The following BNC2 variants were observed in gnomAD, a reference collection of about 807,000 sequenced individuals.
BNC2 encodes the protein basonuclin zinc finger protein 2.
BNC2 carries 20 observed loss-of-function variants against 76.3 expected under a neutral mutation model. The ratio of observed to expected loss-of-function variants is 0.26; its 90% CI spans 0.18 to 0.38. BNC2 has a LOEUF of 0.38. Ranked by LOEUF, BNC2 falls within the 10% of genes least tolerant of loss-of-function variation. The probability of loss-of-function intolerance (pLI) is 1.00; values close to 1 mark genes in which losing one functional copy is unlikely to be tolerated. For missense variants in BNC2, 1,382 were observed against 1,399.8 expected (o/e 0.99, Z 0.20); for synonymous variants, 582 against 514.8 (o/e 1.13, Z -1.77).
At chr9:16,802,184 G>A (rs1016985539) in intron 1 of BNC2, among the ~76,000 whole-genome samples, 4 of 152,202 alleles carry the variant, frequency 2.6e-5, no homozygotes, top group African/African-American at 9.6e-5. Flanking sequence ...AAATATATTA[G>A]CTGCGACTTC....
chr9:16,544,578 G>A (rs918699281), intron 5 of BNC2, among the ~76,000 whole-genome samples: 2 of 152,070 alleles, frequency 1.3e-5, no homozygotes, highest in African/African-American at 4.8e-5. Context: ...AGCATTTTGG[G>A]AGGCCGAGGT....
At chr9:16,584,152 C>T (rs1819704510) in intron 3 of BNC2, among the ~76,000 whole-genome samples, 3 of 152,080 alleles carry the variant, frequency 2.0e-5, no homozygotes, top group African/African-American at 7.2e-5. Flanking sequence ...GAAAAGATCT[C>T]TCTGCAGATT....
chr9:16,612,708 G>C (rs997193274), intron 3 of BNC2, among the ~76,000 whole-genome samples: 1 of 152,200 alleles, frequency 6.6e-6, no homozygotes, highest in Non-Finnish European at 1.5e-5. Flanking sequence ...AGTGGAATGT[G>C]ATCAATGTGA....
intron 1 of BNC2, among the ~76,000 whole-genome samples, chr9:16,842,709 AT>A (rs74503336): frequency 0.017 from 2,576 of 149,870 alleles, 83 homozygotes; most frequent in East Asian, 0.15. Flanking sequence ...AATTCATTGT[AT>A]TTTTTTTTTC....
chr9:16,545,943 G>T (rs1156786717), intron 5 of BNC2, among the ~76,000 whole-genome samples: 1 of 152,228 alleles, frequency 6.6e-6, no homozygotes, highest in Non-Finnish European at 1.5e-5. Context: ...GACTAGGCTT[G>T]CAGAGAAAAG....
At chr9:16,830,402 A>T (rs1225982461) in intron 1 of BNC2, among the ~76,000 whole-genome samples, 4 of 152,222 alleles carry the variant, frequency 2.6e-5, no homozygotes, top group Admixed American at 1.3e-4. Flanking sequence ...ACCTACACAC[A>T]TCCTCTTATA....
chr9:16,595,364 T>C (rs1820037413), intron 3 of BNC2, among the ~76,000 whole-genome samples: 1 of 152,152 alleles, frequency 6.6e-6, no homozygotes, highest in Non-Finnish European at 1.5e-5. Flanking sequence ...AGTGATATGA[T>C]GAACAGTCTA....
At chr9:16,688,095 G>T (rs1823030065) in intron 3 of BNC2, among the ~76,000 whole-genome samples, 2 of 152,132 alleles carry the variant, frequency 1.3e-5, no homozygotes, top group African/African-American at 4.8e-5. Flanking sequence ...AGGGATAAGA[G>T]ATTCAAATCA....
At chr9:16,604,443 C>A (rs1471747006) in intron 3 of BNC2, among the ~76,000 whole-genome samples, 1 of 152,150 alleles carries the variant, frequency 6.6e-6, no homozygotes, top group African/African-American at 2.4e-5. Flanking sequence ...TCTTGAGAGA[C>A]AGATGGCTAC....
intron 3 of BNC2, among the ~76,000 whole-genome samples, chr9:16,677,109 G>C (rs1172464590): frequency 6.6e-6 from 1 of 151,912 alleles, no homozygotes; most frequent in Admixed American, 6.6e-5. Flanking sequence ...TATGTGCTTG[G>C]CCACCACAAG....
At chr9:16,836,389 A>G (rs891715310) in intron 1 of BNC2, among the ~76,000 whole-genome samples, 2 of 152,170 alleles carry the variant, frequency 1.3e-5, no homozygotes, top group African/African-American at 4.8e-5. Context: ...TCAGAAACAT[A>G]TTCTTAGAAA....
chr9:16,725,533 C>T (rs902915240), intron 3 of BNC2, among the ~76,000 whole-genome samples: 2 of 151,470 alleles, frequency 1.3e-5, no homozygotes, highest in South Asian at 4.2e-4. Flanking sequence ...AAAAAGAAAA[C>T]ATATTTAAAA....
chr9:16,625,059 G>T (rs1820955870), intron 3 of BNC2, among the ~76,000 whole-genome samples: 1 of 152,138 alleles, frequency 6.6e-6, no homozygotes, highest in Non-Finnish European at 1.5e-5. Context: ...TAACTAAGTG[G>T]TAATTGGACA....
At chr9:16,572,711 G>A (rs1279024542) in intron 4 of BNC2, among the ~76,000 whole-genome samples, 1 of 152,074 alleles carries the variant, frequency 6.6e-6, no homozygotes, top group Admixed American at 6.6e-5. Flanking sequence ...GATGAACAAG[G>A]CACAGGAAAA....
Position 16,410,997 on chromosome 9 carries a change from T to C in BNC2, c.*7992A>G, listed in dbSNP as rs1194260242. 6.6e-6 allele frequency: 1 copy of C among 152,144 alleles called. No homozygotes were observed. Among genetic ancestry groups the C allele is most frequent in the African/African-American group, 2.4e-5 (1 of 41,414 alleles). The allele number at this position is 152,144 out of a possible 1,614,324, so 9.4% of individuals were successfully genotyped here. A position where few individuals can be genotyped will look rare whatever the true frequency, so the allele number is the denominator to read the frequency against. ...CCACAGCACCGATTCACAGATGGGG[T>C]AGAGGATGCTTTGTCTCCTAGCATG... is the stretch of plus-strand genomic sequence containing the variant. On this transcript the variant is annotated 3_prime_UTR_variant, in exon 7 of 7. Transcript: ENST00000380672.
chr9:16,451,063 C>T (rs966271120), intron 5 of BNC2, among the ~76,000 whole-genome samples: 2 of 33,274 alleles, frequency 6.0e-5, no homozygotes, highest in Non-Finnish European at 9.3e-5. Flanking sequence ...AAATCATTAA[C>T]TTTATCTTTT....
intron 1 of BNC2, among the ~76,000 whole-genome samples, chr9:16,740,171 T>C (rs557336782): frequency 6.6e-6 from 1 of 152,330 alleles, no homozygotes; most frequent in South Asian, 2.1e-4. Context: ...CTTGAGAGTT[T>C]TAAATGATCT....
intron 1 of BNC2, among the ~76,000 whole-genome samples, chr9:16,794,251 C>T (rs974638040): frequency 6.6e-6 from 1 of 152,140 alleles, no homozygotes; most frequent in Admixed American, 6.5e-5. Context: ...TCACTACCGT[C>T]CCCCAGCAGA....
intron 5 of BNC2, among the ~76,000 whole-genome samples, chr9:16,508,269 G>A (rs1271790966): frequency 2.6e-5 from 4 of 152,160 alleles, no homozygotes; most frequent in Admixed American, 2.6e-4. Context: ...AAGACATCTT[G>A]GACTTGATCA....
Sources: gnomAD v4.1 joint callset for allele counts (sites outside exome capture counted in the v4.1 genomes callset) on GRCh38, gnomAD v4.1.1 for gene constraint, MANE v1.5 for transcripts, NCBI Gene and HGNC (gene_info 2026-07-23, HGNC 2026-07-21) for gene names.